The following ARPP21 variants were observed in gnomAD, a reference collection of about 807,000 sequenced individuals.
ARPP21 encodes cAMP regulated phosphoprotein 21, also known as cAMP-regulated phosphoprotein 21.
Under a neutral mutation model 113.2 loss-of-function variants are expected in ARPP21, and 69 were observed. The ratio of observed to expected loss-of-function variants is 0.61; its 90% CI spans 0.50 to 0.74. ARPP21 has a LOEUF of 0.74. ARPP21 is among the 30% of genes least tolerant of loss of function. The pLI is 0.00. For synonymous variants in ARPP21, 368 were observed against 375.5 expected, an observed-to-expected ratio of 0.98 and a Z score of 0.23; for missense variants, 1,070 against 1,037.4, an observed-to-expected ratio of 1.03 and a Z score of -0.43.
At chr3:35,658,465 G>A (rs189308346) in intron 1 of ARPP21, among the ~76,000 whole-genome samples, 11 of 152,056 alleles carry the variant, frequency 7.2e-5, no homozygotes, top group African/African-American at 2.4e-4. Flanking sequence ...TATTTAAGTG[G>A]AATTAAATAT....
At chr3:35,709,637 A>T (rs2090404032) in intron 11 of ARPP21, among the ~76,000 whole-genome samples, 1 of 152,216 alleles carries the variant, frequency 6.6e-6, no homozygotes, top group East Asian at 1.9e-4. Flanking sequence ...AACAAAAAAA[A>T]TGGTTGGAAT....
intron 19 of ARPP21, among the ~76,000 whole-genome samples, chr3:35,779,170 T>A (rs988019739): frequency 6.6e-6 from 1 of 152,154 alleles, no homozygotes; most frequent in Non-Finnish European, 1.5e-5. Flanking sequence ...ATTAGGTAAG[T>A]CCACTTCACA....
intron 1 of ARPP21, among the ~76,000 whole-genome samples, chr3:35,654,505 C>T (rs188747075): frequency 1.0e-3 from 153 of 152,192 alleles, no homozygotes; most frequent in Middle Eastern, 3.4e-3. Flanking sequence ...CTAACTAATA[C>T]GTTTCTCCTG....
intron 9 of ARPP21, among the ~76,000 whole-genome samples, chr3:35,696,391 A>G (rs190952214): frequency 6.2e-4 from 94 of 151,690 alleles, no homozygotes; most frequent in Middle Eastern, 3.4e-3. Flanking sequence ...TGGTGCTCAG[A>G]GCCAACCAGA....
intron 19 of ARPP21, among the ~76,000 whole-genome samples, chr3:35,780,382 T>C (rs2096493508): frequency 6.6e-6 from 1 of 152,192 alleles, no homozygotes; most frequent in Non-Finnish European, 1.5e-5. Context: ...GAATGAGGAA[T>C]GGGCAGTTGC....
In ARPP21 at chr3:35,695,286, G is replaced by T. The variant is rs184075940; in HGVS notation, c.686+4281G>T. Among the ~76,000 whole-genome samples, 3 of 151,624 alleles carry T rather than the reference G, an allele frequency of 2.0e-5. No homozygotes were observed. The East Asian group carries it at 5.9e-4, about 30-fold the overall frequency. On this transcript the variant is annotated intron_variant, in intron 9 of 20. Coordinates refer to ENST00000684406, the MANE Select transcript of ARPP21 (RefSeq NM_001385562.1). ...GGTTTCTGTAAATTACCTGATAAGAGCAGAGATGTTATGTTTTTGCAGTCA... is the reference window on the plus strand; with the variant it reads ...GGTTTCTGTAAATTACCTGATAAGATCAGAGATGTTATGTTTTTGCAGTCA...
intron 19 of ARPP21, among the ~76,000 whole-genome samples, chr3:35,748,353 G>GGA (rs1041660611): frequency 7.1e-6 from 1 of 140,762 alleles, no homozygotes; most frequent in East Asian, 2.1e-4. Flanking sequence ...AAGGGAGAAA[G>GGA]GAGAGAGAGA....
chr3:35,794,193 C>G lies in ARPP21; in HGVS notation c.*235C>G, dbSNP rs1388350429. On this transcript the variant is annotated 3_prime_UTR_variant, in exon 21 of 21. Coordinates refer to ENST00000684406, the MANE Select transcript of ARPP21 (RefSeq NM_001385562.1). ...AGCTTAGCTAGTGACATGAATTCAT[C>G]AAGGTAAGATTTTCTCCTACCACTG... The G allele has an allele frequency of 3.6e-6, 2 of 561,276 alleles. No homozygotes were observed. Among genetic ancestry groups the G allele is most frequent in the Non-Finnish European group, 6.4e-6 (2 of 314,574 alleles). 34.8% of individuals were successfully genotyped at this position (561,276 alleles called of 1,614,324 possible). A position where few individuals can be genotyped will look rare whatever the true frequency, so the allele number is the denominator to read the frequency against.
At chr3:35,699,929 A>G (rs946565559) in intron 9 of ARPP21, among the ~76,000 whole-genome samples, 1 of 151,804 alleles carries the variant, frequency 6.6e-6, no homozygotes, top group African/African-American at 2.4e-5. Flanking sequence ...ACACAGATCA[A>G]TCCATTATTT....
chr3:35,681,423 A>G, intron 2 of ARPP21: 1 of 216,854 alleles, frequency 4.6e-6, no homozygotes. Context: ...TCTGTAGTGG[A>G]GAATGGGGAA....
intron 19 of ARPP21, among the ~76,000 whole-genome samples, chr3:35,788,821 C>G (rs1372576441): frequency 6.6e-6 from 1 of 152,138 alleles, no homozygotes. Flanking sequence ...AAATAGTATG[C>G]AACTGTTGTA....
Position 35,658,793 on chromosome 3 carries a change from T to G in ARPP21, c.-213+18395T>G, listed in dbSNP as rs139219265. Among the ~76,000 whole-genome samples, 442 of 152,198 alleles carry G rather than the reference T, an allele frequency of 2.9e-3. 2 individuals carry two copies. Among genetic ancestry groups the G allele is most frequent in the African/African-American group, 9.9e-3 (412 of 41,548 alleles). On this transcript the variant is annotated intron_variant, in intron 1 of 20. Coordinates refer to ENST00000684406, the MANE Select transcript of ARPP21 (RefSeq NM_001385562.1). ...AGGCTCTGATGTGTAAGGCTGGACC[T>G]GTGCTGTGCTGAATTTCAGGAGAGA...
At chr3:35,718,756 G>A (rs2092737703) in intron 13 of ARPP21, among the ~76,000 whole-genome samples, 1 of 152,104 alleles carries the variant, frequency 6.6e-6, no homozygotes, top group Non-Finnish European at 1.5e-5. Context: ...ATGTTAATCA[G>A]CACAGAAGCA....
At chr3:35,685,398 G>T (rs2080251675) in intron 5 of ARPP21, 7 of 985,144 alleles carry the variant, frequency 7.1e-6, no homozygotes, top group Non-Finnish European at 8.4e-6. Flanking sequence ...GCAGGGGGTT[G>T]ATAGAAAACA....
intron 11 of ARPP21, among the ~76,000 whole-genome samples, chr3:35,712,040 G>C (rs998594833): frequency 6.6e-6 from 1 of 152,130 alleles, no homozygotes; most frequent in African/African-American, 2.4e-5. Flanking sequence ...GGCTATTACT[G>C]TATCCTCTAT....
At chr3:35,760,650 C>T (rs2095738085) in intron 19 of ARPP21, among the ~76,000 whole-genome samples, 1 of 151,994 alleles carries the variant, frequency 6.6e-6, no homozygotes, top group African/African-American at 2.4e-5. Flanking sequence ...AATTTGGAGG[C>T]ATTGTGAAAC....
At chr3:35,716,652 C>A (rs13100653) in intron 12 of ARPP21, among the ~76,000 whole-genome samples, 2 of 151,920 alleles carry the variant, frequency 1.3e-5, no homozygotes, top group African/African-American at 4.8e-5. Context: ...AATACTCTAT[C>A]TTTGCCAGAA....
chr3:35,721,837 A>G lies in ARPP21; in HGVS notation c.1225+3A>G, dbSNP rs1450115477. On this transcript the variant is annotated splice_donor_region_variant and intron_variant, in intron 14 of 20. Transcript: ENST00000684406. Reference sequence around the variant, plus strand: ...TACCGGGAAGCTGTCCAAAGCAGGTAGTTAGTACTGAATGTGTTTATGTCC... The same window carrying G: ...TACCGGGAAGCTGTCCAAAGCAGGTGGTTAGTACTGAATGTGTTTATGTCC... 6.3e-7 allele frequency: 1 copy of G among 1,582,488 alleles called. No individual in the cohort carries two copies. Among genetic ancestry groups the G allele is most frequent in the African/African-American group, 1.3e-5 (1 of 74,172 alleles).
At chr3:35,670,339 T>G (rs1160780728) in intron 1 of ARPP21, among the ~76,000 whole-genome samples, 1 of 151,828 alleles carries the variant, frequency 6.6e-6, no homozygotes, top group African/African-American at 2.4e-5. Flanking sequence ...TACATTCAAC[T>G]CTCTCACTTC....
Sources: gnomAD v4.1 joint callset for allele counts (sites outside exome capture counted in the v4.1 genomes callset) on GRCh38, gnomAD v4.1.1 for gene constraint, MANE v1.5 for transcripts, NCBI Gene and HGNC (gene_info 2026-07-23, HGNC 2026-07-21) for gene names.